The following CTNND2 variants were observed in gnomAD, a reference collection of about 807,000 sequenced individuals.
CTNND2 encodes the protein catenin delta-2.
In CTNND2, 22 loss-of-function variants were observed where a neutral mutation model predicts 144.4. The observed-to-expected ratio is 0.15, with a 90% CI of 0.11 to 0.22. The LOEUF (loss-of-function observed/expected upper bound fraction) is 0.22, where lower values mean the gene tolerates loss of function less well. Among genes scored for constraint, CTNND2 ranks in the 10% least tolerant of loss-of-function variants. CTNND2 has a pLI of 1.00. For synonymous variants in CTNND2, 751 were observed against 695.6 expected (o/e 1.08, Z -1.25); for missense variants, 1,353 against 1,618.8 (o/e 0.84, Z 2.82).
At chr5:11,468,331 G>T (rs1192387794) in intron 3 of CTNND2, among the ~76,000 whole-genome samples, 2 of 152,194 alleles carry the variant, frequency 1.3e-5, no homozygotes, top group Non-Finnish European at 2.9e-5. Context: ...TTAAAAATTT[G>T]TAATCATAAA....
intron 2 of CTNND2, among the ~76,000 whole-genome samples, chr5:11,677,584 G>A (rs1301246899): frequency 6.6e-6 from 1 of 152,098 alleles, no homozygotes; most frequent in African/African-American, 2.4e-5. Flanking sequence ...CCGGCTTTAA[G>A]CAAAAATACT....
intron 1 of CTNND2, among the ~76,000 whole-genome samples, chr5:11,787,143 T>C (rs965282120): frequency 2.0e-5 from 3 of 152,288 alleles, no homozygotes; most frequent in South Asian, 4.1e-4. Context: ...AATGTAGGGA[T>C]TGGGGAAAGC....
chr5:11,761,785 G>A (rs4540174), intron 1 of CTNND2, among the ~76,000 whole-genome samples: 145,860 of 152,188 alleles, frequency 0.96, 70,192 homozygotes, highest in East Asian at 1. Context: ...ATTATTTCTG[G>A]TATACTGTGC....
At chr5:11,160,302 GT>G (rs1490511854) in intron 11 of CTNND2, among the ~76,000 whole-genome samples, 1 of 152,182 alleles carries the variant, frequency 6.6e-6, no homozygotes, top group Non-Finnish European at 1.5e-5. Context: ...CCTTGTGACT[GT>G]TTTGTCAGCT....
intron 2 of CTNND2, among the ~76,000 whole-genome samples, chr5:11,599,090 C>T (rs936138968): frequency 1.3e-5 from 2 of 152,138 alleles, no homozygotes; most frequent in South Asian, 2.1e-4. Flanking sequence ...CAAGACAGCA[C>T]CAGGGAGATG....
At chr5:11,404,602 C>CTTTTTTTTTTTTTTTTTTTTTTTTT (rs555388304) in intron 5 of CTNND2, among the ~76,000 whole-genome samples, 2 of 57,368 alleles carry the variant, frequency 3.5e-5, no homozygotes, top group Non-Finnish European at 4.0e-5. Context: ...TATCTGTATT[C>CTTTTTTTTTTTTTTTTTTTTTTTTT]TTTTTTTTTT....
chr5:11,599,193 T>C lies in CTNND2; in HGVS notation c.175-34137A>G, dbSNP rs868531668. ...GGAAATTACAATTCCACATGAGATA[T>C]GAGTGGGGACACAGATCCAAATCAT... On this transcript the variant is annotated intron_variant, in intron 2 of 21. Coordinates refer to ENST00000304623, the MANE Select transcript of CTNND2 (RefSeq NM_001332.4). Among the ~76,000 whole-genome samples the C allele has an allele frequency of 2.0e-5, 3 of 152,104 alleles. No individual in the cohort carries two copies. The South Asian group carries it at 6.2e-4, about 31-fold the overall frequency.
At chr5:11,490,935 A>C (rs2149993080) in intron 3 of CTNND2, among the ~76,000 whole-genome samples, 1 of 152,296 alleles carries the variant, frequency 6.6e-6, no homozygotes, top group East Asian at 1.9e-4. Flanking sequence ...CTACAGCGAG[A>C]CGTGATTACA....
chr5:11,099,925 A>G (rs1751722532), intron 14 of CTNND2, among the ~76,000 whole-genome samples: 1 of 152,216 alleles, frequency 6.6e-6, no homozygotes, highest in Non-Finnish European at 1.5e-5. Flanking sequence ...TTAAAAATAC[A>G]GTGTAAATGA....
intron 3 of CTNND2, among the ~76,000 whole-genome samples, chr5:11,513,679 G>T (rs1172572999): frequency 6.6e-6 from 1 of 151,984 alleles, no homozygotes; most frequent in Non-Finnish European, 1.5e-5. Context: ...TAGCAATTCA[G>T]TTGTGCGGCT....
At chr5:11,896,590 ATTCTT>A (rs1446213342) in intron 1 of CTNND2, among the ~76,000 whole-genome samples, 3 of 152,124 alleles carry the variant, frequency 2.0e-5, no homozygotes, top group Non-Finnish European at 4.4e-5. Flanking sequence ...AATATATACT[ATTCTT>A]TTCAAGAATG....
At chr5:11,336,165 T>G (rs1753702092) in intron 9 of CTNND2, among the ~76,000 whole-genome samples, 1 of 152,052 alleles carries the variant, frequency 6.6e-6, no homozygotes, top group Non-Finnish European at 1.5e-5. Flanking sequence ...CCCTGTGGAG[T>G]TATACTTTCA....
At chr5:11,338,705 A>C (rs1229125081) in intron 9 of CTNND2, among the ~76,000 whole-genome samples, 1 of 152,208 alleles carries the variant, frequency 6.6e-6, no homozygotes, top group East Asian at 1.9e-4. Context: ...ATTAGAAATG[A>C]GTTGTTATTT....
intron 2 of CTNND2, among the ~76,000 whole-genome samples, chr5:11,697,853 CG>C (rs955366991): frequency 2.6e-5 from 4 of 152,040 alleles, no homozygotes; most frequent in Non-Finnish European, 5.9e-5. Flanking sequence ...GCCTAAAGGA[CG>C]GGAAGGCATC....
chr5:11,179,779 T>A (rs748149259), intron 11 of CTNND2, among the ~76,000 whole-genome samples: 9 of 152,198 alleles, frequency 5.9e-5, no homozygotes, highest in South Asian at 2.1e-4. Flanking sequence ...AATATGTAAT[T>A]GGCTTGGAGA....
chr5:11,250,491 C>CTCTCTCTCTCTCTCTATATA (rs869141186), intron 9 of CTNND2, among the ~76,000 whole-genome samples: 8 of 64,120 alleles, frequency 1.2e-4, no homozygotes, highest in Non-Finnish European at 2.0e-4. Flanking sequence ...CTCTCTCTCT[C>CTCTCTCTCTCTCTCTATATA]TATATATATA....
intron 3 of CTNND2, among the ~76,000 whole-genome samples, chr5:11,456,934 A>G (rs1192039843): frequency 6.6e-6 from 1 of 152,230 alleles, no homozygotes; most frequent in African/African-American, 2.4e-5. Flanking sequence ...TTTTATCACC[A>G]GCAGCATAAT....
intron 16 of CTNND2, among the ~76,000 whole-genome samples, chr5:11,045,680 A>G (rs1745167256): frequency 6.6e-6 from 1 of 152,072 alleles, no homozygotes; most frequent in Admixed American, 6.6e-5. Context: ...TTGGATTTAT[A>G]GCCCACTTGG....
At chr5:11,855,410 T>A (rs1328939554) in intron 1 of CTNND2, among the ~76,000 whole-genome samples, 4 of 152,112 alleles carry the variant, frequency 2.6e-5, no homozygotes, top group Non-Finnish European at 4.4e-5. Flanking sequence ...AGCTACCAGC[T>A]AGGATGCACT....
Sources: allele counts gnomAD v4.1 joint callset (sites outside exome capture counted in the v4.1 genomes callset), GRCh38; gene constraint gnomAD v4.1.1; transcripts MANE v1.5; gene names NCBI Gene and HGNC (gene_info 2026-07-23, HGNC 2026-07-21).